Variants in MYH14 observed in about 807,000 individuals in gnomAD.
MYH14 encodes myosin heavy chain 14.
Under a neutral mutation model 255.5 loss-of-function variants are expected in MYH14, and 123 were observed. The ratio of observed to expected loss-of-function variants is 0.48; its 90% CI spans 0.42 to 0.56. The LOEUF is 0.56. Among genes scored for constraint, MYH14 ranks in the 20% least tolerant of loss-of-function variants. MYH14 has a pLI of 0.00. For synonymous variants in MYH14, 1,095 were observed against 1,161.2 expected, an observed-to-expected ratio of 0.94 and a Z score of 1.16; for missense variants, 2,423 against 2,802.3, an observed-to-expected ratio of 0.86 and a Z score of 3.06.
intron 6 of MYH14, chr19:50,224,888 T>G: frequency 8.8e-6 from 4 of 456,114 alleles, no homozygotes; most frequent in South Asian, 6.2e-5. Context: ...GAGGATTGCT[T>G]GAGGCCAGGA....
chr19:50,309,982 G>A lies in MYH14; in HGVS notation c.*192G>A. ...TCAAAGGATGACCCCTAAACACAGA[G>A]GAGCGGGGCAGGCAGGGAGGCAATG... On this transcript the variant is annotated 3_prime_UTR_variant, in exon 43 of 43. Coordinates refer to ENST00000642316, the MANE Select transcript of MYH14 (RefSeq NM_001145809.2). The A allele has an allele frequency of 1.5e-6, 1 of 684,618 alleles. No homozygotes were observed. Among genetic ancestry groups the A allele is most frequent in the South Asian group, 1.7e-5 (1 of 59,194 alleles). 42.4% of individuals were successfully genotyped at this position (684,618 alleles called of 1,614,324 possible).
intron 16 of MYH14, 87 bp from the exon 17 acceptor site, chr19:50,255,133 C>T: frequency 1.2e-6 from 1 of 859,140 alleles, no homozygotes; most frequent in Non-Finnish European, 1.9e-6. Flanking sequence ...GCCACCTCCT[C>T]TCCTTCCCCT....
intron 2 of MYH14, among the ~76,000 whole-genome samples, chr19:50,212,924 A>G (rs145651694): frequency 6.6e-6 from 1 of 152,260 alleles, no homozygotes; most frequent in East Asian, 1.9e-4. Context: ...ATGACATCCA[A>G]AACATGGATC....
chr19:50,302,683 C>T (rs1199843500), intron 40 of MYH14, among the ~76,000 whole-genome samples: 1 of 151,834 alleles, frequency 6.6e-6, no homozygotes, highest in Non-Finnish European at 1.5e-5. Flanking sequence ...GGCAGATCAC[C>T]TGAGGTCGGG....
chr19:50,246,087 C>T (rs138869969), intron 11 of MYH14, among the ~76,000 whole-genome samples: 3 of 81,900 alleles, frequency 3.7e-5, no homozygotes, highest in East Asian at 4.1e-4. Flanking sequence ...GGATTCCCCC[C>T]CTCCCTCCCT....
Position 50,221,034 on chromosome 19 carries a change from T to C in MYH14, c.563-2049T>C. ...TATCTCCTTGTCCCTGATTTCTGGG[T>C]GGGGAAACTGAGGCACAGAGCAAAA... is the stretch of plus-strand genomic sequence containing the variant. On this transcript the variant is annotated intron_variant, in intron 3 of 42. Transcript: ENST00000642316. This position sits in a 1 kb window ranked among gnomAD's most constrained non-coding sequence, Gnocchi z 5.3. 6.6e-6 allele frequency among the ~76,000 whole-genome samples: 1 copy of C among 152,002 alleles called. No individual in the cohort carries two copies. The highest frequency in any genetic ancestry group is 1.9e-4 in the East Asian group (1 of 5,188).
intron 1 of MYH14, among the ~76,000 whole-genome samples, 180 bp downstream of exon 1, chr19:50,203,851 G>C (rs2031584205): frequency 6.6e-6 from 1 of 152,128 alleles, no homozygotes; most frequent in African/African-American, 2.4e-5. Flanking sequence ...GGAGGTGGGG[G>C]GGCGGGACGT....
chr19:50,257,630 C>G, intron 18 of MYH14, 144 bp downstream of exon 18: 1 of 830,242 alleles, frequency 1.2e-6, no homozygotes, highest in South Asian at 1.6e-5. Flanking sequence ...TTCCTAGGCT[C>G]AGGGTCCGGT....
rs999588541 is a variant in MYH14, at chr19:50,268,225, C to G, written c.2891C>G (p.Ala964Gly). The change falls in exon 24 of 43, where the codon GCC becomes GGC. Residue 964 changes from alanine (A) to glycine (G), a missense_variant. This residue lies in a region of MYH14 where 1,513 missense variants were observed against 1,674.8 expected (regional missense o/e 0.90). Coordinates refer to ENST00000642316, the MANE Select transcript of MYH14 (RefSeq NM_001145809.2). ...LRAEAELCAE[A>G]EETRGRLAAR... is the part of the protein sequence containing the mutation. The stretch of plus-strand genomic sequence containing the variant: ...GCAGAGGCAGAACTGTGTGCAGAGG[C>G]CGAGGAGACGCGGGGGAGGCTGGCA... 2 of 1,560,464 alleles carry G rather than the reference C, an allele frequency of 1.3e-6. No individual in the cohort carries two copies. Among genetic ancestry groups the G allele is most frequent in the African/African-American group, 2.7e-5 (2 of 73,368 alleles).
intron 20 of MYH14, 55 bp downstream of exon 20, chr19:50,260,770 AGT>A: frequency 8.0e-7 from 1 of 1,253,644 alleles, no homozygotes; most frequent in East Asian, 2.4e-5. Flanking sequence ...TGCGTGCATG[AGT>A]GTGCGTGCAT....
In MYH14 at chr19:50,309,025, A is replaced by G; in HGVS notation, c.5808A>G (p.Arg1936=). Residue 1936 remains arginine (R), a synonymous_variant, in exon 42 of 43, where the codon CGA becomes CGG. Transcript: ENST00000642316. ...TCAAGCTGGAGAAGGGAAACCTTCG[A>G]GTCAAGCAGCTGAAGCGGCAGCTGG... is the stretch of plus-strand genomic sequence containing the variant. ...LRDQLEKGNL[R]VKQLKRQLEE... 1 of 1,613,004 alleles carries G rather than the reference A, an allele frequency of 6.2e-7. No individual in the cohort carries two copies. Among genetic ancestry groups the G allele is most frequent in the Non-Finnish European group, 8.5e-7 (1 of 1,179,334 alleles).
chr19:50,309,767 T>A lies in MYH14; in HGVS notation c.6088T>A (p.Ser2030Thr), dbSNP rs727503231. 6.4e-7 allele frequency: 1 copy of A among 1,570,926 alleles called. No homozygotes were observed. The highest frequency in any genetic ancestry group is 1.2e-5 in the South Asian group (1 of 86,424). ...TGGGCCATCCCCGGAGCCTGAGGGG[T>A]CCCCACCAGCCCACCCCCAGTGACC... The part of the protein sequence containing the change: ...GSGPSPEPEG[S>T]PPAHPQ Residue 2030 changes from serine (S) to threonine (T), a missense_variant, in exon 43 of 43, where the codon TCC (serine) becomes ACC (threonine). By Grantham distance (58) the Ser-to-Thr change is moderately conservative (BLOSUM62 1). Coordinates refer to ENST00000642316, the MANE Select transcript of MYH14 (RefSeq NM_001145809.2).
chr19:50,300,503 C>G (rs1218399497), intron 39 of MYH14, among the ~76,000 whole-genome samples: 1 of 152,042 alleles, frequency 6.6e-6, no homozygotes, highest in Non-Finnish European at 1.5e-5. Flanking sequence ...AATCCCAGCA[C>G]TTTGGGAGGC....
At chr19:50,224,973 G>A (rs2033022439) in intron 6 of MYH14, 3 of 390,784 alleles carry the variant, frequency 7.7e-6, no homozygotes, top group Non-Finnish European at 1.0e-5. Context: ...GGGCATGGTG[G>A]TGCTTGCCTG....
At chr19:50,281,901 G>T (rs1196010373) in intron 33 of MYH14, 59 bp downstream of exon 33, 8 of 1,555,610 alleles carry the variant, frequency 5.1e-6, no homozygotes, top group Non-Finnish European at 7.0e-6. Flanking sequence ...GCTTCCCATG[G>T]TCGTTGTGAG....
intron 5 of MYH14, among the ~76,000 whole-genome samples, chr19:50,223,828 C>G (rs1168574471): frequency 6.6e-6 from 1 of 152,170 alleles, no homozygotes; most frequent in Admixed American, 6.5e-5. Context: ...TACAGTGAGG[C>G]CGGGCACAGT....
rs982810037 is a variant in MYH14 at position 50,280,371 on chromosome 19, T to C, written c.4278T>C (p.Thr1426=). The change falls in exon 32 of 43, where the codon ACT becomes ACC. Residue 1426 remains threonine, a synonymous_variant. Transcript: ENST00000642316. This position sits in a 1 kb window ranked among gnomAD's most constrained non-coding sequence, Gnocchi z 4.8. ...ARERAGRELQ[T]AQAQLSEWRR... Reference sequence around the variant, plus strand: ...AACGGGCGGGCCGTGAACTGCAGACTGCCCAGGCCCAGGTGAGCAGCCCTA... The same window carrying C: ...AACGGGCGGGCCGTGAACTGCAGACCGCCCAGGCCCAGGTGAGCAGCCCTA... 2 of 1,541,034 alleles carry C rather than the reference T, an allele frequency of 1.3e-6. No individual in the cohort carries two copies. Among genetic ancestry groups the C allele is most frequent in the South Asian group, 1.2e-5 (1 of 83,268 alleles).
chr19:50,245,195 G>C (rs2034054044), intron 11 of MYH14, among the ~76,000 whole-genome samples: 2 of 152,076 alleles, frequency 1.3e-5, no homozygotes, highest in African/African-American at 4.8e-5. Flanking sequence ...AAGGCAGGCA[G>C]ATCACTTGAG....
chr19:50,260,578 C>A, intron 19 of MYH14, 68 bp from the exon 20 acceptor site: 1 of 1,097,318 alleles, frequency 9.1e-7, no homozygotes, highest in Non-Finnish European at 1.4e-6. Context: ...CAGTGCCTGG[C>A]CCGCAGCAGG....
Sources: gnomAD v4.1 joint callset for allele counts (sites outside exome capture counted in the v4.1 genomes callset) on GRCh38, gnomAD v4.1.1 for gene constraint, gnomAD v4.1.1 regional missense constraint, Gnocchi (gnomAD v3.1) non-coding constraint, MANE v1.5 for transcripts, NCBI Gene and HGNC (gene_info 2026-07-23, HGNC 2026-07-21) for gene names.